Variants in PIN4 observed in about 807,000 individuals in gnomAD.
PIN4 encodes peptidyl-prolyl cis-trans isomerase NIMA-interacting 4.
A neutral mutation model predicts 8.3 loss-of-function variants in PIN4; 3 were observed. That is an observed-to-expected ratio of 0.36 (90% CI 0.16 to 0.93). The LOEUF (loss-of-function observed/expected upper bound fraction) is 0.93, where lower values mean the gene tolerates loss of function less well. PIN4 is among the 40% of genes least tolerant of loss of function. The pLI is 0.44. For missense variants in PIN4, 75 were observed against 100.6 expected (o/e 0.75, Z 1.09); for synonymous variants, 18 against 32.5 (o/e 0.55, Z 1.52).
intron 3 of PIN4, chrX:72,238,957 T>C: frequency 4.1e-6 from 4 of 972,516 alleles, no homozygotes; most frequent in Non-Finnish European, 5.7e-6. Flanking sequence ...GTTTGGAGCT[T>C]GGAGCTTGGA....
At chrX:72,186,614 A>G in intron 2 of PIN4, 80 bp downstream of exon 2, 1 of 619,798 alleles carries the variant, frequency 1.6e-6, no homozygotes, top group Admixed American at 2.8e-5. Context: ...CAGAATGCTT[A>G]ACTCATTCTA....
intron 3 of PIN4, among the ~76,000 whole-genome samples, chrX:72,256,524 C>G (rs952956351): frequency 9.9e-5 from 11 of 111,524 alleles, no homozygotes; most frequent in African/African-American, 3.6e-4. Context: ...GGGCACCCTG[C>G]TTTACTCAGT....
At chrX:72,256,190 T>A (rs1258229940) in intron 3 of PIN4, 1 of 112,226 alleles carries the variant, frequency 8.9e-6, no homozygotes. Flanking sequence ...GAAGTTTAAC[T>A]TAGAGTAGGG....
intron 3 of PIN4, among the ~76,000 whole-genome samples, chrX:72,229,132 C>G (rs899739790): frequency 9.0e-6 from 1 of 111,616 alleles, no homozygotes; most frequent in East Asian, 2.8e-4. Context: ...GGGCCTATAA[C>G]TAAACACACC....
intron 3 of PIN4, among the ~76,000 whole-genome samples, chrX:72,252,887 C>T (rs1015782458): frequency 8.9e-6 from 1 of 111,835 alleles, no homozygotes; most frequent in East Asian, 2.8e-4. Flanking sequence ...GTTGTGTTAG[C>T]TTTGAGCAAG....
intron 3 of PIN4, among the ~76,000 whole-genome samples, chrX:72,227,801 G>C (rs1351376991): frequency 9.0e-6 from 1 of 111,550 alleles, no homozygotes; most frequent in East Asian, 2.8e-4. Context: ...ACCTAATTAG[G>C]AATAAATAGT....
intron 3 of PIN4, chrX:72,206,131 G>A (rs2042818198): frequency 8.3e-7 from 1 of 1,211,584 alleles, no homozygotes; most frequent in South Asian, 1.8e-5. Context: ...ATCTAAATTT[G>A]GCCCAATATC....
At chrX:72,243,831 A>G (rs2043058477) in intron 3 of PIN4, among the ~76,000 whole-genome samples, 1 of 112,132 alleles carries the variant, frequency 8.9e-6, no homozygotes, top group Non-Finnish European at 1.9e-5. Flanking sequence ...AATCCTTAAC[A>G]ACAACCTTGT....
chrX:72,197,591 T>G lies in PIN4; in HGVS notation c.*65T>G. 8.8e-7 allele frequency: 1 copy of G among 1,137,997 alleles called. No individual in the cohort carries two copies. The allele number at this position is 1,137,997 out of a possible 1,213,427, so 93.8% of individuals were successfully genotyped here. A position where few individuals can be genotyped will look rare whatever the true frequency, so the allele number is the denominator to read the frequency against. ...TCTTTAAAAGGTATTACATATTCTT[T>G]TGAGCTGGAGCTGCAAGGAAATACA... On this transcript the variant is annotated 3_prime_UTR_variant, in exon 4 of 4. Coordinates refer to ENST00000373669, the MANE Select transcript of PIN4 (RefSeq NM_006223.4).
chrX:72,258,148 G>A (rs996311248), intron 3 of PIN4, among the ~76,000 whole-genome samples: 1 of 111,641 alleles, frequency 9.0e-6, no homozygotes, highest in Non-Finnish European at 1.9e-5. Flanking sequence ...CTGTGTGATG[G>A]AAAGGAAGTC....
At chrX:72,197,291 GGA>G (rs1358802865) in intron 3 of PIN4, 75 bp from the exon 4 acceptor site, 2 of 954,729 alleles carry the variant, frequency 2.1e-6, no homozygotes, top group African/African-American at 3.9e-5. Context: ...CAAAATGTTG[GGA>G]AATTCTCTCA....
intron 3 of PIN4, among the ~76,000 whole-genome samples, chrX:72,229,023 G>A (rs948307954): frequency 6.3e-5 from 7 of 110,997 alleles, no homozygotes; most frequent in Non-Finnish European, 9.4e-5. Flanking sequence ...CACCCTGGTC[G>A]GCAATTATCC....
At chrX:72,201,437 C>T (rs1569489233), downstream of PIN4, among the ~76,000 whole-genome samples, 1 of 110,560 alleles carries the variant, frequency 9.0e-6, no homozygotes, top group Non-Finnish European at 1.9e-5. Flanking sequence ...ACCAAAAATA[C>T]AAAAAATTAG....
At chrX:72,250,559 A>G (rs2043082543) in intron 3 of PIN4, among the ~76,000 whole-genome samples, 1 of 111,061 alleles carries the variant, frequency 9.0e-6, no homozygotes, top group Non-Finnish European at 1.9e-5. Context: ...TGTTAAAAAC[A>G]TAGTGAGAGC....
intron 1 of PIN4, among the ~76,000 whole-genome samples, chrX:72,185,159 A>AAAAAAAC (rs2042695420): frequency 9.6e-6 from 1 of 104,151 alleles, no homozygotes; most frequent in African/African-American, 3.4e-5. Context: ...AAAAAAAAAA[A>AAAAAAAC]AAAAAAACAA....
At chrX:72,221,037 G>A (rs190496522) in intron 3 of PIN4, among the ~76,000 whole-genome samples, 10 of 111,426 alleles carry the variant, frequency 9.0e-5, no homozygotes, top group South Asian at 3.8e-4. Context: ...TTTTTGGAGC[G>A]ATTTGCATGA....
chrX:72,240,088 CAAAAA>C (rs750258594), intron 3 of PIN4, among the ~76,000 whole-genome samples: 1 of 48,221 alleles, frequency 2.1e-5, no homozygotes. Context: ...GACTCCATCT[CAAAAA>C]AAAAAAAAAA....
intron 1 of PIN4, among the ~76,000 whole-genome samples, chrX:72,185,686 G>GTAGTAAAATGACATAC (rs2042699364): frequency 8.9e-6 from 1 of 112,331 alleles, no homozygotes; most frequent in African/African-American, 3.2e-5. Context: ...AGTTACCATA[G>GTAGTAAAATGACATAC]TAGTAAAATG....
chrX:72,251,362 C>CAAAAAAAAAAAAAAAAAAAAAA (rs35914181), intron 3 of PIN4, among the ~76,000 whole-genome samples: 13 of 65,614 alleles, frequency 2.0e-4, no homozygotes, highest in Admixed American at 3.4e-4. Flanking sequence ...GACTCTGTCT[C>CAAAAAAAAAAAAAAAAAAAAAA]AAAAAAAAAA....
Sources: gnomAD v4.1 joint callset for allele counts (sites outside exome capture counted in the v4.1 genomes callset) on GRCh38, gnomAD v4.1.1 for gene constraint, MANE v1.5 for transcripts, NCBI Gene and HGNC (gene_info 2026-07-23, HGNC 2026-07-21) for gene names.